The following MACROD2 variants were observed in gnomAD, a reference collection of about 807,000 sequenced individuals.
The protein encoded by MACROD2 is ADP-ribose glycohydrolase MACROD2.
MACROD2 carries 36 observed loss-of-function variants against 70.4 expected under a neutral mutation model. That is an observed-to-expected ratio of 0.51 (90% CI 0.39 to 0.68). MACROD2 has a LOEUF of 0.68. Ranked by LOEUF, MACROD2 falls within the 30% of genes least tolerant of loss-of-function variation. The pLI is 0.00. For synonymous variants in MACROD2, 172 were observed against 178.8 expected (o/e 0.96, Z 0.30); for missense variants, 496 against 538.4 (o/e 0.92, Z 0.78).
rs182987732 is a variant in MACROD2 at position 15,535,017 on chromosome 20, G to A, written c.645+35170G>A. On this transcript the variant is annotated intron_variant, in intron 8 of 17. Coordinates refer to ENST00000684519, the MANE Select transcript of MACROD2 (RefSeq NM_001351661.2). ...TTGAGACGGGCTCTCACTCTGTCACGCAGGCTGAAATACAGTGGTGTGGTC... is the reference window on the plus strand; with the variant it reads ...TTGAGACGGGCTCTCACTCTGTCACACAGGCTGAAATACAGTGGTGTGGTC... Among the ~76,000 whole-genome samples the A allele has an allele frequency of 1.4e-4, 22 of 151,986 alleles. 1 individual carries two copies. The South Asian group carries it at 1.5e-3, about 10-fold the overall frequency.
chr20:15,439,464 C>T (rs559472577), intron 7 of MACROD2, among the ~76,000 whole-genome samples: 3 of 151,956 alleles, frequency 2.0e-5, no homozygotes, highest in Non-Finnish European at 2.9e-5. Context: ...GCATCACACT[C>T]ACAGTGTGTC....
chr20:15,347,263 C>T (rs372982842), intron 6 of MACROD2, among the ~76,000 whole-genome samples: 10 of 152,274 alleles, frequency 6.6e-5, no homozygotes, highest in African/African-American at 2.2e-4. Context: ...AGTACCTTCA[C>T]ATAGCAAAGG....
chr20:15,728,416 A>C (rs925362654), intron 8 of MACROD2, among the ~76,000 whole-genome samples: 2 of 152,236 alleles, frequency 1.3e-5, no homozygotes, highest in Non-Finnish European at 1.5e-5. Flanking sequence ...CTGGCCTAAT[A>C]GAATGAGTTA....
chr20:15,704,555 T>A lies in MACROD2; in HGVS notation c.646-158190T>A, dbSNP rs117464368. On this transcript the variant is annotated intron_variant, in intron 8 of 17. Coordinates refer to ENST00000684519, the MANE Select transcript of MACROD2 (RefSeq NM_001351661.2). Reference sequence around the variant, plus strand: ...GAGCAGTACTACTCAAACTTAAATATTTATATGAATCATGTAGGGACCTAG... The same window carrying A: ...GAGCAGTACTACTCAAACTTAAATAATTATATGAATCATGTAGGGACCTAG... Among the ~76,000 whole-genome samples the A allele has an allele frequency of 5.8e-3, 889 of 152,324 alleles. 5 individuals carry two copies. Among genetic ancestry groups the A allele is most frequent in the Non-Finnish European group, 9.5e-3 (643 of 68,030 alleles).
intron 3 of MACROD2, among the ~76,000 whole-genome samples, chr20:14,285,960 T>C (rs1172491498): frequency 7.2e-6 from 1 of 139,590 alleles, no homozygotes; most frequent in African/African-American, 2.7e-5. Flanking sequence ...ATGTTAGAAA[T>C]AGGGACAGAC....
intron 8 of MACROD2, among the ~76,000 whole-genome samples, chr20:15,781,711 T>G (rs1227183374): frequency 2.6e-5 from 4 of 152,098 alleles, no homozygotes; most frequent in African/African-American, 4.8e-5. Context: ...GCTAGTAATT[T>G]TCAACGTCTG....
At chr20:14,408,665 T>C (rs2083716673) in intron 3 of MACROD2, among the ~76,000 whole-genome samples, 1 of 152,184 alleles carries the variant, frequency 6.6e-6, no homozygotes, top group African/African-American at 2.4e-5. Flanking sequence ...TAGCGCCCAC[T>C]AAGCATTTGG....
At chr20:15,876,119 AT>A (rs200115874) in intron 9 of MACROD2, among the ~76,000 whole-genome samples, 7 of 119,610 alleles carry the variant, frequency 5.9e-5, no homozygotes, top group African/African-American at 2.1e-4. Flanking sequence ...ATATGTGTGT[AT>A]TTTTTTTATT....
chr20:15,048,955 A>G (rs1400000768), intron 5 of MACROD2, among the ~76,000 whole-genome samples: 1 of 152,062 alleles, frequency 6.6e-6, no homozygotes, highest in Non-Finnish European at 1.5e-5. Context: ...TAATGGTTTC[A>G]TGATACTCTA....
intron 8 of MACROD2, among the ~76,000 whole-genome samples, chr20:15,587,789 T>C (rs2048622872): frequency 6.6e-6 from 1 of 152,238 alleles, no homozygotes; most frequent in South Asian, 2.1e-4. Context: ...TCCCATGGTC[T>C]TGGGCAGCTC....
chr20:14,353,978 C>T (rs1291727083), intron 3 of MACROD2, among the ~76,000 whole-genome samples: 5 of 152,108 alleles, frequency 3.3e-5, no homozygotes, highest in Admixed American at 1.3e-4. Context: ...GGTGTCAAGT[C>T]GGCAATCTGC....
chr20:15,457,963 G>GAA (rs570322661), intron 7 of MACROD2, among the ~76,000 whole-genome samples: 5,189 of 137,546 alleles, frequency 0.038, 105 homozygotes, highest in South Asian at 0.068. Context: ...AAAAAAAAAA[G>GAA]AAAAAAGAAA....
chr20:14,768,345 A>G (rs2072119243), intron 5 of MACROD2, among the ~76,000 whole-genome samples: 1 of 152,004 alleles, frequency 6.6e-6, no homozygotes, highest in Non-Finnish European at 1.5e-5. Flanking sequence ...TTTACTTTCT[A>G]GGGTTGCTGC....
intron 5 of MACROD2, among the ~76,000 whole-genome samples, chr20:15,012,450 T>C (rs1352728830): frequency 6.6e-6 from 1 of 152,078 alleles, no homozygotes; most frequent in African/African-American, 2.4e-5. Flanking sequence ...TCTGACATAA[T>C]GTGGGGGTCC....
intron 3 of MACROD2, among the ~76,000 whole-genome samples, chr20:14,243,795 A>G (rs573075996): frequency 2.6e-5 from 4 of 152,350 alleles, no homozygotes; most frequent in Admixed American, 2.6e-4. Flanking sequence ...AATATATTAT[A>G]TATCTCTTTT....
intron 5 of MACROD2, among the ~76,000 whole-genome samples, chr20:14,878,909 T>C (rs987981012): frequency 6.6e-6 from 1 of 152,132 alleles, no homozygotes; most frequent in African/African-American, 2.4e-5. Flanking sequence ...GATACCTTTG[T>C]CTTTCTACTT....
chr20:15,289,127 G>A (rs958504881), intron 6 of MACROD2, among the ~76,000 whole-genome samples: 12 of 152,160 alleles, frequency 7.9e-5, no homozygotes, highest in African/African-American at 2.9e-4. Flanking sequence ...TAATCACATG[G>A]TCTTAAAAGA....
chr20:14,960,178 C>T (rs1406279326), intron 5 of MACROD2, among the ~76,000 whole-genome samples: 2 of 152,192 alleles, frequency 1.3e-5, no homozygotes, highest in Non-Finnish European at 2.9e-5. Flanking sequence ...AATCCCTCTA[C>T]AGCCCTTTGG....
At chr20:15,247,771 C>T (rs915260506) in intron 6 of MACROD2, among the ~76,000 whole-genome samples, 2 of 152,050 alleles carry the variant, frequency 1.3e-5, no homozygotes, top group African/African-American at 4.8e-5. Context: ...AATCTCAGCT[C>T]ACTGCAACCT....
Sources: allele counts gnomAD v4.1 joint callset (sites outside exome capture counted in the v4.1 genomes callset), GRCh38; gene constraint gnomAD v4.1.1; transcripts MANE v1.5; gene names NCBI Gene and HGNC (gene_info 2026-07-23, HGNC 2026-07-21).